Variants in PLCE1 observed in about 807,000 individuals in gnomAD.
PLCE1 encodes phospholipase C epsilon 1.
PLCE1 carries 119 observed loss-of-function variants against 242.8 expected under a neutral mutation model. That is an observed-to-expected ratio of 0.49 (90% confidence interval 0.42 to 0.57). The LOEUF (loss-of-function observed/expected upper bound fraction) is 0.57, where lower values mean the gene tolerates loss of function less well. Ranked by LOEUF, PLCE1 falls within the 20% of genes least tolerant of loss-of-function variation. The pLI is 0.00. For missense variants in PLCE1, 2,441 were observed against 2,788.8 expected, an observed-to-expected ratio of 0.88 and a Z score of 2.81; for synonymous variants, 945 against 1,017.4, an observed-to-expected ratio of 0.93 and a Z score of 1.35.
intron 2 of PLCE1, among the ~76,000 whole-genome samples, chr10:94,103,894 G>A (rs563546193): frequency 2.0e-5 from 3 of 152,290 alleles, no homozygotes; most frequent in South Asian, 2.1e-4. Flanking sequence ...TTCTCATTTC[G>A]GGTCTACCAA....
chr10:94,326,419 G>A (rs556285379), intron 32 of PLCE1, among the ~76,000 whole-genome samples: 2 of 152,142 alleles, frequency 1.3e-5, no homozygotes, highest in Non-Finnish European at 2.9e-5. Flanking sequence ...ATTACACTCT[G>A]CAGTGGTCAA....
intron 2 of PLCE1, among the ~76,000 whole-genome samples, chr10:94,093,934 CTTTTTTTTT>C (rs398046178): frequency 3.8e-5 from 3 of 79,186 alleles, no homozygotes; most frequent in East Asian, 4.4e-4. Flanking sequence ...ATCGGTATTT[CTTTTTTTTT>C]TTTTTTTTTT....
At chr10:94,249,687 G>A (rs919001860) in intron 8 of PLCE1, among the ~76,000 whole-genome samples, 1 of 152,150 alleles carries the variant, frequency 6.6e-6, no homozygotes, top group African/African-American at 2.4e-5. Context: ...ACAAGAAGAA[G>A]TAATAACATT....
intron 8 of PLCE1, among the ~76,000 whole-genome samples, chr10:94,248,851 C>A (rs1036849851): frequency 2.6e-5 from 4 of 152,114 alleles, no homozygotes; most frequent in Admixed American, 1.3e-4. Flanking sequence ...GCTTCTCAAG[C>A]TTATAGCATA....
intron 7 of PLCE1, among the ~76,000 whole-genome samples, chr10:94,245,526 G>A (rs2050647889): frequency 6.6e-6 from 1 of 151,630 alleles, no homozygotes; most frequent in Non-Finnish European, 1.5e-5. Context: ...TTGCTCTGTC[G>A]CCTAGGCTGG....
At chr10:94,157,000 T>C (rs1590144170) in intron 3 of PLCE1, among the ~76,000 whole-genome samples, 2 of 152,264 alleles carry the variant, frequency 1.3e-5, no homozygotes, top group Middle Eastern at 6.8e-3. Flanking sequence ...AGCCTTTTTT[T>C]GGTGTTTTTT....
chr10:94,124,652 C>T (rs1003460386), intron 2 of PLCE1, among the ~76,000 whole-genome samples: 1 of 152,084 alleles, frequency 6.6e-6, no homozygotes, highest in African/African-American at 2.4e-5. Flanking sequence ...CTACCATAGT[C>T]GATGTAACTG....
At position 94,030,825 on chromosome 10, in the gene PLCE1, A is replaced by G. The variant is rs1305361800; in HGVS notation, c.-222A>G. ...GAAGGAAAATTGATCTACCACCTTA[A>G]AACCCTGATCTAGAAAAAATATATA... On this transcript the variant is annotated 5_prime_UTR_variant, in exon 2 of 33. Coordinates refer to ENST00000371380, the MANE Select transcript of PLCE1 (RefSeq NM_016341.4). 1.8e-6 allele frequency: 1 copy of G among 565,860 alleles called. No homozygotes were observed. The highest frequency in any genetic ancestry group is 1.9e-5 in the African/African-American group (1 of 53,124). The allele number at this position is 565,860 out of a possible 1,614,324, so 35.1% of individuals were successfully genotyped here. A position where few individuals can be genotyped will look rare whatever the true frequency, so the allele number is the denominator to read the frequency against.
At chr10:94,035,346 T>C (rs2061642731) in intron 2 of PLCE1, among the ~76,000 whole-genome samples, 1 of 152,210 alleles carries the variant, frequency 6.6e-6, no homozygotes, top group Admixed American at 6.5e-5. Context: ...TCCAGTTTCT[T>C]CTTTTCTATA....
At chr10:94,110,284 G>A (rs1001085912) in intron 2 of PLCE1, among the ~76,000 whole-genome samples, 20 of 151,776 alleles carry the variant, frequency 1.3e-4, no homozygotes, top group Non-Finnish European at 2.8e-4. Context: ...GGATGGTCTC[G>A]ATCTCCTGAC....
intron 2 of PLCE1, among the ~76,000 whole-genome samples, chr10:94,055,892 C>T (rs187629931): frequency 3.3e-5 from 5 of 152,238 alleles, no homozygotes; most frequent in Admixed American, 1.3e-4. Flanking sequence ...TGCTGTCATA[C>T]GCTCAAGAAT....
chr10:94,111,177 A>G (rs986354229), intron 2 of PLCE1, among the ~76,000 whole-genome samples: 1 of 152,198 alleles, frequency 6.6e-6, no homozygotes, highest in Non-Finnish European at 1.5e-5. Context: ...TCACTCACTC[A>G]TGAGACATTT....
At chr10:94,304,082 C>G (rs2053125520) in intron 24 of PLCE1, among the ~76,000 whole-genome samples, 1 of 152,204 alleles carries the variant, frequency 6.6e-6, no homozygotes, top group Non-Finnish European at 1.5e-5. Context: ...TATCACAGAC[C>G]TGAGCATCTG....
intron 2 of PLCE1, among the ~76,000 whole-genome samples, chr10:94,113,667 C>T (rs941225987): frequency 4.6e-5 from 7 of 152,146 alleles, no homozygotes; most frequent in African/African-American, 1.4e-4. Context: ...GCCCTAAGGT[C>T]ATATAGCTAG....
chr10:94,226,980 G>A (rs1023681994), intron 4 of PLCE1: 11 of 343,948 alleles, frequency 3.2e-5, no homozygotes, highest in African/African-American at 1.1e-4. Context: ...GGGTTCAAGC[G>A]ATTCTCCTGC....
At chr10:94,041,878 CTT>C (rs755639082) in intron 2 of PLCE1, among the ~76,000 whole-genome samples, 1 of 152,052 alleles carries the variant, frequency 6.6e-6, no homozygotes, top group African/African-American at 2.4e-5. Context: ...GCACCCCTCT[CTT>C]CTAAAAAGAG....
chr10:94,092,291 T>C (rs1205159130), intron 2 of PLCE1, among the ~76,000 whole-genome samples: 2 of 152,166 alleles, frequency 1.3e-5, no homozygotes, highest in African/African-American at 4.8e-5. Flanking sequence ...TTTTTTTCCC[T>C]ACCCCACCTT....
At chr10:94,175,199 T>G (rs551384451) in intron 4 of PLCE1, among the ~76,000 whole-genome samples, 1 of 152,342 alleles carries the variant, frequency 6.6e-6, no homozygotes, top group South Asian at 2.1e-4. Flanking sequence ...GGTTCAAGTC[T>G]GTAGTAAAAC....
intron 1 of PLCE1, among the ~76,000 whole-genome samples, chr10:94,016,341 T>G (rs1308636250): frequency 6.6e-6 from 1 of 152,124 alleles, no homozygotes; most frequent in African/African-American, 2.4e-5. Context: ...TTTGGAATAT[T>G]TGCATTATAC....
Sources: gnomAD v4.1 joint callset for allele counts (sites outside exome capture counted in the v4.1 genomes callset) on GRCh38, gnomAD v4.1.1 for gene constraint, MANE v1.5 for transcripts, NCBI Gene and HGNC (gene_info 2026-07-23, HGNC 2026-07-21) for gene names.